ZSWIM5: variants seen among roughly 807,000 people sequenced by gnomAD.
ZSWIM5 encodes zinc finger SWIM domain-containing protein 5.
Under a neutral mutation model 119.6 loss-of-function variants are expected in ZSWIM5, and 55 were observed. The ratio of observed to expected loss-of-function variants is 0.46; its 90% CI spans 0.37 to 0.58. The LOEUF (loss-of-function observed/expected upper bound fraction) is 0.58. Among genes scored for constraint, ZSWIM5 ranks in the 20% least tolerant of loss-of-function variants. ZSWIM5 has a pLI of 0.00. For missense variants in ZSWIM5, 1,193 were observed against 1,512.8 expected, an observed-to-expected ratio of 0.79 and a Z score of 3.51; for synonymous variants, 537 against 606.9, an observed-to-expected ratio of 0.88 and a Z score of 1.69.
rs1175366772 is a variant in ZSWIM5, at chr1:45,043,408, G to C, written c.1433-13C>G. 2 of 1,613,648 alleles carry C rather than the reference G, an allele frequency of 1.2e-6. No individual in the cohort carries two copies. The highest frequency in any genetic ancestry group is 3.3e-5 in the Admixed American group (2 of 59,990). ...CTGGATAAGGAGTCTGGAGAAAGAA[G>C]AACATGCAGCAGTACAGTGACAGGC... is the stretch of plus-strand genomic sequence containing the variant. On this transcript the variant is annotated splice_polypyrimidine_tract_variant and intron_variant, in intron 5 of 13. Transcript: ENST00000359600.
chr1:45,128,446 G>T (rs951817335), intron 1 of ZSWIM5, among the ~76,000 whole-genome samples: 1 of 151,992 alleles, frequency 6.6e-6, no homozygotes, highest in Non-Finnish European at 1.5e-5. Flanking sequence ...CGATCCTCCC[G>T]CTTTGGCCTC....
chr1:45,195,508 C>A (rs1226410210), intron 1 of ZSWIM5, among the ~76,000 whole-genome samples: 1 of 151,898 alleles, frequency 6.6e-6, no homozygotes, highest in African/African-American at 2.4e-5. Flanking sequence ...GCTGGGATTA[C>A]AAGCGTAAGC....
At position 45,117,717 on chromosome 1, in the gene ZSWIM5, T is replaced by C. The variant is rs185219418; in HGVS notation, c.596-29480A>G. 1.7e-3 allele frequency among the ~76,000 whole-genome samples: 264 copies of C among 152,128 alleles called. 1 individual carries two copies. Among genetic ancestry groups the C allele is most frequent in the African/African-American group, 6.0e-3 (250 of 41,518 alleles). On this transcript the variant is annotated intron_variant, in intron 1 of 13. Coordinates refer to ENST00000359600, the MANE Select transcript of ZSWIM5 (RefSeq NM_020883.2). ...CATCCTCAATCATCTCCTACACTAG[T>C]TTAAACCAATAGGGTTGGGTTGTAT...
At chr1:45,204,677 T>C (rs1327085289) in intron 1 of ZSWIM5, among the ~76,000 whole-genome samples, 2 of 152,222 alleles carry the variant, frequency 1.3e-5, no homozygotes, top group African/African-American at 4.8e-5. Context: ...TGTGTCTTTC[T>C]GTGCTTGTTT....
chr1:45,114,993 A>C (rs995946132), intron 1 of ZSWIM5, among the ~76,000 whole-genome samples: 2 of 152,246 alleles, frequency 1.3e-5, no homozygotes, highest in Non-Finnish European at 2.9e-5. Context: ...ATCCCAAGGC[A>C]GAAGAATTTC....
At chr1:45,087,757 A>C in intron 2 of ZSWIM5, 124 bp downstream of exon 2, 1 of 707,250 alleles carries the variant, frequency 1.4e-6, no homozygotes. Flanking sequence ...AAGTGATTGC[A>C]ACTGCAGAAA....
intron 1 of ZSWIM5, among the ~76,000 whole-genome samples, chr1:45,151,124 C>T (rs977289102): frequency 2.6e-5 from 4 of 152,158 alleles, no homozygotes; most frequent in Non-Finnish European, 4.4e-5. Flanking sequence ...GACAATGAGA[C>T]AAATTCTCCA....
intron 1 of ZSWIM5, among the ~76,000 whole-genome samples, chr1:45,121,216 G>A (rs12124925): frequency 0.11 from 16,853 of 152,220 alleles, 1,256 homozygotes; most frequent in Middle Eastern, 0.17. Context: ...CTCCCAAAGT[G>A]TTCGGATTAC....
At chr1:45,020,510 G>C (rs1038174232) in intron 12 of ZSWIM5, 115 bp downstream of exon 12, 2 of 1,257,320 alleles carry the variant, frequency 1.6e-6, no homozygotes, top group African/African-American at 1.5e-5. Flanking sequence ...TTGTGTTCTG[G>C]GCCCAAAGGA....
chr1:45,027,422 G>A (rs1228614754), intron 11 of ZSWIM5, among the ~76,000 whole-genome samples: 1 of 151,858 alleles, frequency 6.6e-6, no homozygotes, highest in African/African-American at 2.4e-5. Flanking sequence ...TTTTGAGGCA[G>A]AGTCTCGCTC....
chr1:45,073,573 T>G (rs1645237593), intron 2 of ZSWIM5, among the ~76,000 whole-genome samples: 1 of 151,826 alleles, frequency 6.6e-6, no homozygotes, highest in Non-Finnish European at 1.5e-5. Flanking sequence ...GATTTTTGTA[T>G]GTTGATTTTG....
In ZSWIM5 at chr1:45,180,014, C is replaced by T. The variant is rs549658314; in HGVS notation, c.595+25742G>A. ...CTCCCAGTGTGAGCGACACAGAAGACGGGTGATTTCTGCATTTCCATCTGA... is the reference window on the plus strand; with the variant it reads ...CTCCCAGTGTGAGCGACACAGAAGATGGGTGATTTCTGCATTTCCATCTGA... On this transcript the variant is annotated intron_variant, in intron 1 of 13. Transcript: ENST00000359600. Among the ~76,000 whole-genome samples the T allele has an allele frequency of 7.2e-5, 11 of 152,280 alleles. No homozygotes were observed. In the East Asian group the frequency reaches 7.7e-4, roughly 11 times the overall value.
intron 1 of ZSWIM5, among the ~76,000 whole-genome samples, chr1:45,189,518 G>C (rs1646078544): frequency 6.6e-6 from 1 of 152,140 alleles, no homozygotes; most frequent in African/African-American, 2.4e-5. Context: ...CACTTTGGGA[G>C]GCCGAGGTAG....
At chr1:45,042,691 G>T (rs753432812) in intron 6 of ZSWIM5, among the ~76,000 whole-genome samples, 1 of 152,040 alleles carries the variant, frequency 6.6e-6, no homozygotes, top group Non-Finnish European at 1.5e-5. Context: ...TTGAGGGAAA[G>T]CCAGGAAACT....
intron 1 of ZSWIM5, among the ~76,000 whole-genome samples, chr1:45,150,192 G>GA (rs1346506170): frequency 4.8e-5 from 6 of 125,492 alleles, no homozygotes; most frequent in Admixed American, 4.0e-4. Context: ...AAAAAAAAAA[G>GA]AAAAAGAAAA....
intron 4 of ZSWIM5, among the ~76,000 whole-genome samples, chr1:45,054,267 C>T (rs1380464345): frequency 1.3e-5 from 2 of 151,882 alleles, no homozygotes; most frequent in African/African-American, 4.8e-5. Flanking sequence ...ACAGTGAGAT[C>T]CTGTCTCAAA....
At chr1:45,174,813 A>C (rs1362042277) in intron 1 of ZSWIM5, among the ~76,000 whole-genome samples, 1 of 151,980 alleles carries the variant, frequency 6.6e-6, no homozygotes, top group East Asian at 1.9e-4. Context: ...AAAAGTTGCA[A>C]GTACAGTTCA....
intron 1 of ZSWIM5, among the ~76,000 whole-genome samples, chr1:45,162,124 T>A (rs1439395578): frequency 1.3e-5 from 2 of 152,270 alleles, no homozygotes; most frequent in Admixed American, 1.3e-4. Context: ...ATACTTGTTA[T>A]TAAAAAGATT....
chr1:45,199,490 G>A (rs553013469), intron 1 of ZSWIM5, among the ~76,000 whole-genome samples: 20 of 152,006 alleles, frequency 1.3e-4, no homozygotes, highest in Non-Finnish European at 2.8e-4. Context: ...TAGTAGAGAC[G>A]TGGTTTCACC....
Sources: allele counts gnomAD v4.1 joint callset (sites outside exome capture counted in the v4.1 genomes callset), GRCh38; gene constraint gnomAD v4.1.1; transcripts MANE v1.5; gene names NCBI Gene and HGNC (gene_info 2026-07-23, HGNC 2026-07-21).